Variants in PRKAR1B observed in about 807,000 individuals in gnomAD.
PRKAR1B encodes cAMP-dependent protein kinase type I-beta regulatory subunit.
In PRKAR1B, 22 loss-of-function variants were observed where a neutral mutation model predicts 46.5. The observed-to-expected ratio is 0.47, with a 90% CI of 0.34 to 0.68. The LOEUF is 0.68. Ranked by LOEUF, PRKAR1B falls within the 30% of genes least tolerant of loss-of-function variation. PRKAR1B has a pLI of 0.01. For missense variants in PRKAR1B, 445 were observed against 535.6 expected, an observed-to-expected ratio of 0.83 and a Z score of 1.67; for synonymous variants, 259 against 217.7, an observed-to-expected ratio of 1.19 and a Z score of -1.67.
At chr7:576,784 G>A (rs562226139) in intron 9 of PRKAR1B, among the ~76,000 whole-genome samples, 29 of 152,140 alleles carry the variant, frequency 1.9e-4, no homozygotes, top group African/African-American at 4.6e-4. Context: ...GGGAAGCACC[G>A]GGAATGAGGG....
Position 684,659 on chromosome 7 carries a change from A to G in PRKAR1B, c.178-3933T>C, listed in dbSNP as rs149686462. Among the ~76,000 whole-genome samples, 759 of 152,328 alleles carry G rather than the reference A, an allele frequency of 5.0e-3. 10 individuals carry two copies. The highest frequency in any genetic ancestry group is 0.017 in the African/African-American group (719 of 41,568). On this transcript the variant is annotated intron_variant, in intron 2 of 10. Coordinates refer to ENST00000537384, the MANE Select transcript of PRKAR1B (RefSeq NM_001164760.2). ...CATCAAGATCCAGACCCAGGACCACAGGAGCTCGGAAGCCTGGGAGCCAGG... is the reference window on the plus strand; with the variant it reads ...CATCAAGATCCAGACCCAGGACCACGGGAGCTCGGAAGCCTGGGAGCCAGG...
At position 602,402 on chromosome 7, in the gene PRKAR1B, C is replaced by A. The variant is rs1244799438; in HGVS notation, c.549+3791G>T. 6.6e-6 allele frequency among the ~76,000 whole-genome samples: 1 copy of A among 152,134 alleles called. No individual in the cohort carries two copies. Among genetic ancestry groups the A allele is most frequent in the Non-Finnish European group, 1.5e-5 (1 of 68,010 alleles). On this transcript the variant is annotated intron_variant, in intron 6 of 10. Transcript: ENST00000537384. This position sits in a 1 kb window ranked among gnomAD's most constrained non-coding sequence, Gnocchi z 6.4. ...GGATGAGGAGGAGGAGGAGGAGGTC[C>A]CGCCAAGGTCAGCCGGGGCAGCAAC...
In PRKAR1B at chr7:551,540, A is replaced by C. The variant is rs1337415117; in HGVS notation, c.892-70T>G. Reference sequence around the variant, plus strand: ...CAGGGTGGGACACACGTGAGGGGTCACCCCACAGGGGGTCACCACCCAAAC... The same window carrying C: ...CAGGGTGGGACACACGTGAGGGGTCCCCCCACAGGGGGTCACCACCCAAAC... On this transcript the variant is annotated intron_variant, in intron 9 of 10. Coordinates refer to ENST00000537384, the MANE Select transcript of PRKAR1B (RefSeq NM_001164760.2). 5.5e-6 allele frequency: 8 copies of C among 1,461,158 alleles called. No homozygotes were observed. In the East Asian group the frequency reaches 2.0e-4, roughly 36 times the overall value. 90.5% of individuals were successfully genotyped at this position (1,461,158 alleles called of 1,614,324 possible). A position where few individuals can be genotyped will look rare whatever the true frequency, so the allele number is the denominator to read the frequency against.
intron 9 of PRKAR1B, among the ~76,000 whole-genome samples, chr7:571,143 C>T (rs1779486995): frequency 6.6e-6 from 1 of 152,176 alleles, no homozygotes; most frequent in Non-Finnish European, 1.5e-5. Flanking sequence ...ACTGAAAGGG[C>T]CACCACAAGT....
intron 4 of PRKAR1B, among the ~76,000 whole-genome samples, chr7:663,790 C>G (rs1247581181): frequency 6.6e-6 from 1 of 152,118 alleles, no homozygotes; most frequent in African/African-American, 2.4e-5. Context: ...AGACAGCACA[C>G]TCACAGCTCT....
intron 2 of PRKAR1B, among the ~76,000 whole-genome samples, chr7:690,838 C>A (rs1347683263): frequency 6.6e-6 from 1 of 152,208 alleles, no homozygotes; most frequent in Non-Finnish European, 1.5e-5. Context: ...TCCAGCTGCA[C>A]AAATGGGTGC....
intron 4 of PRKAR1B, among the ~76,000 whole-genome samples, chr7:626,213 T>A (rs1195564400): frequency 1.3e-5 from 2 of 152,122 alleles, no homozygotes; most frequent in Admixed American, 1.3e-4. Context: ...AAGCCCAGGC[T>A]GGGCACAGCA....
intron 2 of PRKAR1B, among the ~76,000 whole-genome samples, chr7:695,331 C>T (rs1402368058): frequency 2.6e-5 from 4 of 152,138 alleles, no homozygotes; most frequent in South Asian, 2.1e-4. Flanking sequence ...GGTCCTGTCC[C>T]GTCCCACACG....
intron 4 of PRKAR1B, chr7:607,738 T>C: frequency 3.1e-6 from 1 of 327,034 alleles, no homozygotes; most frequent in Non-Finnish European, 5.6e-6. Context: ...ATACATGCAT[T>C]TTGAACTCCA....
intron 4 of PRKAR1B, among the ~76,000 whole-genome samples, chr7:624,612 G>C (rs752025604): frequency 7.9e-5 from 12 of 152,178 alleles, no homozygotes; most frequent in Non-Finnish European, 1.5e-4. Flanking sequence ...TTAAGTTACA[G>C]AATGGAACAC....
At chr7:615,478 AAGAAG>A (rs1003834988) in intron 4 of PRKAR1B, among the ~76,000 whole-genome samples, 18 of 151,452 alleles carry the variant, frequency 1.2e-4, no homozygotes, top group African/African-American at 3.9e-4. Context: ...GAAGGAAAGA[AAGAAG>A]AGAAAAGAAA....
At chr7:650,881 G>A (rs552839846) in intron 4 of PRKAR1B, among the ~76,000 whole-genome samples, 12 of 152,252 alleles carry the variant, frequency 7.9e-5, no homozygotes, top group South Asian at 2.1e-4. Context: ...CCGTGCTGGC[G>A]GATGCCTGCG....
rs148699991 is a variant in PRKAR1B at position 722,444 on chromosome 7, C to G, written c.-23+4766G>C. ...TAGAGATGGGGTTTCACCATGTTAT[C>G]CAGGCTGGTTTCAAACTCCTGACCA... On this transcript the variant is annotated intron_variant, in intron 1 of 10. Transcript: ENST00000537384. Among the ~76,000 whole-genome samples, 5 of 151,768 alleles carry G rather than the reference C, an allele frequency of 3.3e-5. No homozygotes were observed. In the East Asian group the frequency reaches 9.7e-4, roughly 29 times the overall value.
chr7:590,837 G>A (rs1024464137), intron 7 of PRKAR1B, among the ~76,000 whole-genome samples: 3 of 152,044 alleles, frequency 2.0e-5, no homozygotes, highest in Non-Finnish European at 2.9e-5. Flanking sequence ...TGAACGAACC[G>A]GGCTTCCTCA....
At chr7:640,377 GGACA>G (rs1168234697) in intron 4 of PRKAR1B, among the ~76,000 whole-genome samples, 1 of 152,028 alleles carries the variant, frequency 6.6e-6, no homozygotes, top group Non-Finnish European at 1.5e-5. Flanking sequence ...CATACGATTC[GGACA>G]GACATTTTAC....
chr7:692,827 G>A (rs565557960), intron 2 of PRKAR1B, among the ~76,000 whole-genome samples: 5 of 152,328 alleles, frequency 3.3e-5, no homozygotes, highest in African/African-American at 7.2e-5. Context: ...GCCCTGGACA[G>A]GGAAGGGCAG....
chr7:565,268 T>A (rs1779058935), intron 9 of PRKAR1B: 1 of 152,194 alleles, frequency 6.6e-6, no homozygotes. Flanking sequence ...CTCCAGCAGA[T>A]CTTTCTGGAA....
intron 1 of PRKAR1B, among the ~76,000 whole-genome samples, chr7:723,398 T>C (rs933121815): frequency 6.6e-6 from 1 of 152,110 alleles, no homozygotes; most frequent in Non-Finnish European, 1.5e-5. Context: ...CCCTGGGGAC[T>C]AGTGCAGGAA....
intron 2 of PRKAR1B, among the ~76,000 whole-genome samples, chr7:702,452 T>A (rs1780109453): frequency 6.6e-6 from 1 of 152,198 alleles, no homozygotes; most frequent in Non-Finnish European, 1.5e-5. Context: ...GTTGAAAACT[T>A]GCCAAATTTC....
Sources: allele counts gnomAD v4.1 joint callset (sites outside exome capture counted in the v4.1 genomes callset), GRCh38; gene constraint gnomAD v4.1.1; non-coding constraint Gnocchi (gnomAD v3.1); transcripts MANE v1.5; gene names NCBI Gene and HGNC (gene_info 2026-07-23, HGNC 2026-07-21).